The following LHPP variants were observed in gnomAD, a reference collection of about 807,000 sequenced individuals.
LHPP encodes phospholysine phosphohistidine inorganic pyrophosphate phosphatase.
A neutral mutation model predicts 30.3 loss-of-function variants in LHPP; 24 were observed. The ratio of observed to expected loss-of-function variants is 0.79; its 90% CI spans 0.57 to 1.11. The LOEUF is 1.11. Among genes scored for constraint, LHPP ranks in the 50% most tolerant of loss-of-function variants. The pLI, the probability that LHPP is intolerant of heterozygous loss-of-function variation, is 0.00. For missense variants in LHPP, 356 were observed against 367.2 expected, an observed-to-expected ratio of 0.97 and a Z score of 0.25; for synonymous variants, 150 against 157.1, an observed-to-expected ratio of 0.95 and a Z score of 0.34.
At chr10:124,489,169 T>C (rs1039573759) in intron 3 of LHPP, among the ~76,000 whole-genome samples, 2 of 152,192 alleles carry the variant, frequency 1.3e-5, no homozygotes, top group Non-Finnish European at 2.9e-5. Flanking sequence ...CACATGTTCA[T>C]TGAAGAAAAA....
rs375800783 is a variant in LHPP, at chr10:124,550,730, G to C, written c.716+33459G>C. On this transcript the variant is annotated intron_variant, in intron 6 of 6. Coordinates refer to ENST00000368842, the MANE Select transcript of LHPP (RefSeq NM_022126.4). Reference sequence around the variant, plus strand: ...GACTCACTTCCCCTCTCCAGGCGGCGATTCCGGAAAGGAGGCTCTGGAATG... The same window carrying C: ...GACTCACTTCCCCTCTCCAGGCGGCCATTCCGGAAAGGAGGCTCTGGAATG... Among the ~76,000 whole-genome samples the C allele has an allele frequency of 6.9e-4, 105 of 152,318 alleles. 2 individuals are homozygous for C. In the South Asian group the frequency reaches 0.02, roughly 29 times the overall value.
intron 3 of LHPP, among the ~76,000 whole-genome samples, chr10:124,491,961 C>T (rs1564785866): frequency 6.6e-6 from 1 of 152,156 alleles, no homozygotes; most frequent in Non-Finnish European, 1.5e-5. Flanking sequence ...ATTTTTGAGG[C>T]TGTGTTTAAA....
chr10:124,573,944 G>A (rs1948621492), intron 6 of LHPP, among the ~76,000 whole-genome samples: 2 of 151,982 alleles, frequency 1.3e-5, no homozygotes, highest in Non-Finnish European at 2.9e-5. Flanking sequence ...TGAGACCTGG[G>A]AATCAAAAAG....
intron 6 of LHPP, among the ~76,000 whole-genome samples, chr10:124,534,686 T>A (rs1954980205): frequency 6.6e-6 from 1 of 152,048 alleles, no homozygotes; most frequent in Admixed American, 6.5e-5. Context: ...CGCCCGTCCT[T>A]CCCGCCCGGT....
At chr10:124,585,120 C>A (rs1227445512) in intron 6 of LHPP, among the ~76,000 whole-genome samples, 1 of 152,128 alleles carries the variant, frequency 6.6e-6, no homozygotes, top group Non-Finnish European at 1.5e-5. Flanking sequence ...CTTTTGGTCC[C>A]ATGCATTTTG....
At chr10:124,544,880 GT>G (rs35331078) in intron 6 of LHPP, among the ~76,000 whole-genome samples, 21,217 of 152,266 alleles carry the variant, frequency 0.14, 1,648 homozygotes, top group Non-Finnish European at 0.16. Flanking sequence ...CACATCGAGT[GT>G]TCTGGCCACT....
chr10:124,561,533 C>G (rs966004347), intron 6 of LHPP, among the ~76,000 whole-genome samples: 2 of 152,012 alleles, frequency 1.3e-5, no homozygotes, highest in Non-Finnish European at 2.9e-5. Context: ...ATCCGCCCCC[C>G]CCACAACAGT....
At chr10:124,474,641 T>C (rs1290510473) in intron 1 of LHPP, among the ~76,000 whole-genome samples, 1 of 151,984 alleles carries the variant, frequency 6.6e-6, no homozygotes, top group Non-Finnish European at 1.5e-5. Context: ...GTCCCATCTC[T>C]AAACCACAGG....
chr10:124,585,634 GAA>G (rs1413530633), intron 6 of LHPP, among the ~76,000 whole-genome samples: 1 of 150,106 alleles, frequency 6.7e-6, no homozygotes, highest in East Asian at 2.0e-4. Flanking sequence ...AAAAGAAAAA[GAA>G]AAAAAAGAAA....
rs745578294 is a variant in LHPP at position 124,461,854 on chromosome 10, C to T, written c.-9C>T. 35 of 1,243,108 alleles carry T rather than the reference C, an allele frequency of 2.8e-5. No homozygotes were observed. The highest frequency in any genetic ancestry group is 3.2e-5 in the Non-Finnish European group (32 of 990,202). 77.0% of individuals were successfully genotyped at this position (1,243,108 alleles called of 1,614,324 possible). The stretch of plus-strand genomic sequence containing the variant: ...TGGGACGCGGAGCTGAGGAGCAGGG[C>T]CGGGCGCCATGGCACCGTGGGGCAA... On this transcript the variant is annotated 5_prime_UTR_variant, in exon 1 of 7. Coordinates refer to ENST00000368842, the MANE Select transcript of LHPP (RefSeq NM_022126.4).
intron 6 of LHPP, among the ~76,000 whole-genome samples, chr10:124,546,495 T>C (rs1457398709): frequency 2.6e-5 from 4 of 152,188 alleles, no homozygotes; most frequent in Non-Finnish European, 4.4e-5. Flanking sequence ...CTCTGCCTCC[T>C]GGGTTCACAC....
intron 6 of LHPP, chr10:124,526,308 A>C (rs897287): frequency 1.1e-6 from 1 of 894,852 alleles, no homozygotes; most frequent in Non-Finnish European, 1.3e-6. Context: ...ACACACACTC[A>C]GCCTCAGCTC....
At chr10:124,587,734 C>T (rs1420799465) in intron 6 of LHPP, among the ~76,000 whole-genome samples, 1 of 76,370 alleles carries the variant, frequency 1.3e-5, no homozygotes, top group Non-Finnish European at 2.4e-5. Context: ...AGCCAGACTC[C>T]ATCTAAAAAA....
chr10:124,497,877 T>C (rs1953772807), intron 4 of LHPP, among the ~76,000 whole-genome samples, 159 bp from the exon 5 acceptor site: 1 of 152,110 alleles, frequency 6.6e-6, no homozygotes, highest in Non-Finnish European at 1.5e-5. Flanking sequence ...TCTGGAGTTG[T>C]GAGGCTCCTG....
chr10:124,473,677 G>A (rs1276515957), intron 1 of LHPP, among the ~76,000 whole-genome samples: 1 of 152,180 alleles, frequency 6.6e-6, no homozygotes, highest in Non-Finnish European at 1.5e-5. Context: ...TTTGGGTGGG[G>A]CGAGGCGACT....
At chr10:124,463,983 A>AT (rs1481016348) in intron 1 of LHPP, among the ~76,000 whole-genome samples, 1 of 151,570 alleles carries the variant, frequency 6.6e-6, no homozygotes, top group African/African-American at 2.4e-5. Context: ...TGCCCAGCTA[A>AT]TTTTTTTGTG....
intron 5 of LHPP, among the ~76,000 whole-genome samples, chr10:124,501,916 G>C (rs998441837): frequency 4.6e-5 from 7 of 151,850 alleles, no homozygotes; most frequent in African/African-American, 1.7e-4. Flanking sequence ...TGTTTTCTGA[G>C]CCTCTCTTTT....
At chr10:124,607,199 A>G (rs1232854281) in intron 6 of LHPP, among the ~76,000 whole-genome samples, 1 of 151,998 alleles carries the variant, frequency 6.6e-6, no homozygotes, top group Non-Finnish European at 1.5e-5. Flanking sequence ...CAGCTTTTGT[A>G]CCGTGACATC....
chr10:124,548,718 G>T (rs914327616), intron 6 of LHPP, among the ~76,000 whole-genome samples: 1 of 152,238 alleles, frequency 6.6e-6, no homozygotes, highest in African/African-American at 2.4e-5. Context: ...ACCCTTGCTG[G>T]GCGGGCAGGT....
Sources: allele counts gnomAD v4.1 joint callset (sites outside exome capture counted in the v4.1 genomes callset), GRCh38; gene constraint gnomAD v4.1.1; transcripts MANE v1.5; gene names NCBI Gene and HGNC (gene_info 2026-07-23, HGNC 2026-07-21).